The following CNGB3 variants were observed in gnomAD, a reference collection of about 807,000 sequenced individuals.
CNGB3 encodes the protein cyclic nucleotide gated channel subunit beta 3.
Under a neutral mutation model 92.8 loss-of-function variants are expected in CNGB3, and 86 were observed. That is an observed-to-expected ratio of 0.93 (90% CI 0.78 to 1.11). CNGB3 has a LOEUF of 1.11. Ranked by LOEUF, CNGB3 falls within the 50% of genes least tolerant of loss-of-function variation. The probability of loss-of-function intolerance (pLI) is 0.00; values close to 1 mark genes in which losing one functional copy is unlikely to be tolerated. For missense variants in CNGB3, 1,026 were observed against 956.8 expected (o/e 1.07, Z -0.95); for synonymous variants, 333 against 332.7 (o/e 1.00, Z -0.01).
intron 3 of CNGB3, among the ~76,000 whole-genome samples, chr8:86,684,864 G>A (rs1373587122): frequency 1.3e-5 from 2 of 152,098 alleles, no homozygotes; most frequent in Non-Finnish European, 1.5e-5. Context: ...TGCAACATGA[G>A]GGATCTTTGC....
intron 6 of CNGB3, among the ~76,000 whole-genome samples, chr8:86,663,711 A>G (rs1823688508): frequency 6.6e-6 from 1 of 152,214 alleles, no homozygotes; most frequent in Non-Finnish European, 1.5e-5. Context: ...CAATGTGCAT[A>G]GTCTTCTTAC....
intron 2 of CNGB3, among the ~76,000 whole-genome samples, chr8:86,732,004 C>T (rs10447974): frequency 0.29 from 43,881 of 151,932 alleles, 6,720 homozygotes; most frequent in East Asian, 0.42. Context: ...AGAAAGAAGC[C>T]TAAAAGCACA....
chr8:86,683,398 A>C (rs1372857226), intron 3 of CNGB3, among the ~76,000 whole-genome samples: 1 of 152,140 alleles, frequency 6.6e-6, no homozygotes, highest in Non-Finnish European at 1.5e-5. Context: ...TTGACCTTCA[A>C]ACCACTAAAT....
chr8:86,667,351 G>T (rs1239517533), intron 5 of CNGB3, among the ~76,000 whole-genome samples: 1 of 152,192 alleles, frequency 6.6e-6, no homozygotes, highest in African/African-American at 2.4e-5. Context: ...AAAGTGGAGA[G>T]TTTCCTTCCA....
At chr8:86,720,948 T>C (rs558135610) in intron 3 of CNGB3, among the ~76,000 whole-genome samples, 8 of 149,904 alleles carry the variant, frequency 5.3e-5, no homozygotes, top group Non-Finnish European at 1.0e-4. Context: ...TTGGATGGAA[T>C]TGGAGAGTGT....
intron 3 of CNGB3, among the ~76,000 whole-genome samples, chr8:86,692,623 T>A (rs1824342904): frequency 6.6e-6 from 1 of 152,302 alleles, no homozygotes; most frequent in South Asian, 2.1e-4. Context: ...GAGTCCTTTG[T>A]GTTAGATGAG....
At chr8:86,585,668 C>T (rs1434557362) in intron 15 of CNGB3, among the ~76,000 whole-genome samples, 5 of 152,060 alleles carry the variant, frequency 3.3e-5, no homozygotes, top group Non-Finnish European at 7.4e-5. Context: ...CCTTCTGTAC[C>T]ATAAAAATGG....
chr8:86,609,632 C>T lies in CNGB3; in HGVS notation c.1662+1956G>A, dbSNP rs116911070. ...CCTTTATATTACAGTTCCCAGTAAA[C>T]CCCAGTTCCATCCTCTCTCATTAGA... On this transcript the variant is annotated intron_variant, in intron 14 of 17. Coordinates refer to ENST00000320005, the MANE Select transcript of CNGB3 (RefSeq NM_019098.5). Among the ~76,000 whole-genome samples the T allele has an allele frequency of 4.8e-3, 730 of 152,276 alleles. 23 individuals carry two copies. Among genetic ancestry groups the T allele is most frequent in the Admixed American group, 0.038 (581 of 15,286 alleles).
chr8:86,629,969 T>G (rs1046229994), intron 11 of CNGB3, among the ~76,000 whole-genome samples: 2 of 152,166 alleles, frequency 1.3e-5, no homozygotes, highest in Admixed American at 1.3e-4. Flanking sequence ...AAGACTTTGC[T>G]CATTCATTTT....
intron 3 of CNGB3, among the ~76,000 whole-genome samples, chr8:86,678,099 G>A (rs1824010290): frequency 6.6e-6 from 1 of 152,044 alleles, no homozygotes; most frequent in Non-Finnish European, 1.5e-5. Flanking sequence ...TCTAATTTGG[G>A]AAGTTTTTAG....
chr8:86,683,466 T>C (rs1434555571), intron 3 of CNGB3, among the ~76,000 whole-genome samples: 1 of 152,174 alleles, frequency 6.6e-6, no homozygotes, highest in African/African-American at 2.4e-5. Flanking sequence ...AAGGTGAAAT[T>C]AAACAAATTG....
chr8:86,732,686 T>A (rs1233297812), intron 2 of CNGB3, among the ~76,000 whole-genome samples: 1 of 152,206 alleles, frequency 6.6e-6, no homozygotes, highest in Non-Finnish European at 1.5e-5. Context: ...ATTTTCTTCA[T>A]CATCTCAAAC....
At chr8:86,735,780 C>T (rs1186279601) in intron 2 of CNGB3, among the ~76,000 whole-genome samples, 1 of 152,156 alleles carries the variant, frequency 6.6e-6, no homozygotes, top group African/African-American at 2.4e-5. Context: ...TAGCAATTTT[C>T]TTCAATGTAA....
At chr8:86,678,735 C>A (rs986141521) in intron 3 of CNGB3, among the ~76,000 whole-genome samples, 6 of 152,068 alleles carry the variant, frequency 3.9e-5, no homozygotes, top group African/African-American at 1.2e-4. Context: ...GTTAGTCAAC[C>A]ATTTTAAGGC....
At chr8:86,591,828 C>G (rs1372775820) in intron 15 of CNGB3, among the ~76,000 whole-genome samples, 1 of 152,194 alleles carries the variant, frequency 6.6e-6, no homozygotes, top group African/African-American at 2.4e-5. Context: ...GTGGAGCCTA[C>G]AGAGGCAGGC....
Position 86,620,314 on chromosome 8 carries a change from T to C in CNGB3, c.1578+5669A>G, listed in dbSNP as rs76028371. Among the ~76,000 whole-genome samples the C allele has an allele frequency of 9.3e-3, 1,412 of 152,240 alleles. 22 individuals are homozygous for C. The highest frequency in any genetic ancestry group is 0.031 in the African/African-American group (1,303 of 41,528). ...AACAACAGAAATTATTTTCTCACAG[T>C]TCTGGAGGCTAAAGGCTTAAGATCA... On this transcript the variant is annotated intron_variant, in intron 13 of 17. Coordinates refer to ENST00000320005, the MANE Select transcript of CNGB3 (RefSeq NM_019098.5).
At position 86,658,711 on chromosome 8, in the gene CNGB3, G is replaced by T. The variant is rs115763192; in HGVS notation, c.853-4649C>A. 7.3e-3 allele frequency: 3,203 copies of T among 436,336 alleles called. 87 individuals carry two copies. The highest frequency in any genetic ancestry group is 0.059 in the African/African-American group (2,976 of 50,220). 27.0% of individuals were successfully genotyped at this position (436,336 alleles called of 1,614,324 possible). On this transcript the variant is annotated intron_variant, in intron 6 of 17. Transcript: ENST00000320005. ...TCGCTCGGCTCTTTCTTGATGTGCT[G>T]CTCCGACTGTGGTGTGCTGGTGATC...
At chr8:86,645,180 G>A (rs756174557) in intron 8 of CNGB3, among the ~76,000 whole-genome samples, 2 of 151,206 alleles carry the variant, frequency 1.3e-5, no homozygotes, top group African/African-American at 2.4e-5. Context: ...TATTAGCATT[G>A]GCCGTTCTTG....
chr8:86,743,476 G>A (rs771569792), intron 1 of CNGB3, 23 bp downstream of exon 1: 3 of 1,613,686 alleles, frequency 1.9e-6, no homozygotes, highest in East Asian at 4.5e-5. Flanking sequence ...ATCAAGGCTT[G>A]CATAGGAATG....
Sources: allele counts gnomAD v4.1 joint callset (sites outside exome capture counted in the v4.1 genomes callset), GRCh38; gene constraint gnomAD v4.1.1; transcripts MANE v1.5; gene names NCBI Gene and HGNC (gene_info 2026-07-23, HGNC 2026-07-21).